PNLIPRP1: variants seen among roughly 807,000 people sequenced by gnomAD.
PNLIPRP1 encodes inactive pancreatic lipase-related protein 1.
In PNLIPRP1, 57 loss-of-function variants were observed where a neutral mutation model predicts 54.6. That is an observed-to-expected ratio of 1.04 (90% confidence interval 0.84 to 1.30). The LOEUF is 1.30. PNLIPRP1 is among the 50% of genes most tolerant of loss of function. PNLIPRP1 has a pLI of 0.00. For missense variants in PNLIPRP1, 567 were observed against 568.5 expected, an observed-to-expected ratio of 1.00 and a Z score of 0.03; for synonymous variants, 232 against 208.8, an observed-to-expected ratio of 1.11 and a Z score of -0.96.
rs116575931 is a variant in PNLIPRP1 at position 116,591,827 on chromosome 10, G to A, written c.106G>A (p.Gly36Arg). The stretch of plus-strand genomic sequence containing the variant: ...CTTTTCTGACACTGAGCCCTGGGGC[G>A]GGACAGCAATCAGGCCCCTGAAAAT... ...GCFSDTEPWG[G>R]TAIRPLKILP... The change falls in exon 3 of 13, where the codon GGG becomes AGG. Residue 36 changes from glycine to arginine, a missense_variant. By Grantham distance (125) the Gly-to-Arg change is moderately radical (BLOSUM62 -2). Coordinates refer to ENST00000358834, the MANE Select transcript of PNLIPRP1 (RefSeq NM_006229.4). 37 of 1,614,212 alleles carry A rather than the reference G, an allele frequency of 2.3e-5. No individual in the cohort carries two copies. Among genetic ancestry groups the A allele is most frequent in the East Asian group, 1.8e-4 (8 of 44,880 alleles).
At chr10:116,602,867 CTATG>C (rs1203276758) in intron 10 of PNLIPRP1, among the ~76,000 whole-genome samples, 1 of 152,030 alleles carries the variant, frequency 6.6e-6, no homozygotes, top group Non-Finnish European at 1.5e-5. Context: ...ATGTGGGTGT[CTATG>C]TATGTGCGTG....
intron 10 of PNLIPRP1, 141 bp from the exon 11 acceptor site, chr10:116,603,889 T>G (rs1461584232): frequency 4.0e-6 from 2 of 494,002 alleles, no homozygotes; most frequent in Non-Finnish European, 7.2e-6. Context: ...TGAGACCCCA[T>G]CTCAAAAAAT....
chr10:116,598,813 T>C (rs1847780381), intron 8 of PNLIPRP1, among the ~76,000 whole-genome samples: 1 of 152,176 alleles, frequency 6.6e-6, no homozygotes, highest in East Asian at 1.9e-4. Flanking sequence ...AAAAGGACAA[T>C]GGACAGGTGA....
At chr10:116,592,053 C>G (rs1847649185) in intron 3 of PNLIPRP1, 128 bp downstream of exon 3, 1 of 970,206 alleles carries the variant, frequency 1.0e-6, no homozygotes, top group Non-Finnish European at 1.6e-6. Flanking sequence ...AAGCTGCCCC[C>G]CAGACCTAGC....
At chr10:116,594,617 T>A (rs1847700846) in intron 4 of PNLIPRP1, 113 bp from the exon 5 acceptor site, 4 of 1,169,774 alleles carry the variant, frequency 3.4e-6, no homozygotes, top group Admixed American at 1.8e-5. Context: ...AGAGTCTAGT[T>A]TATCTCATGC....
chr10:116,591,492 A>G (rs781958725), intron 2 of PNLIPRP1, among the ~76,000 whole-genome samples: 1 of 152,246 alleles, frequency 6.6e-6, no homozygotes, highest in Non-Finnish European at 1.5e-5. Context: ...TAAATGTATC[A>G]GAAGAGCTAG....
chr10:116,601,215 T>C lies in PNLIPRP1; in HGVS notation c.1063+14T>C, dbSNP rs1160566632. ...GCAATTTCGCTCGTAAGTTGCACTT[T>C]GACTACCTGCCCATGTAAAGAAAGT... On this transcript the variant is annotated intron_variant, in intron 10 of 12. Transcript: ENST00000358834. 5 of 1,609,372 alleles carry C rather than the reference T, an allele frequency of 3.1e-6. No homozygotes were observed. Among genetic ancestry groups the C allele is most frequent in the African/African-American group, 1.3e-5 (1 of 74,844 alleles).
At chr10:116,594,623 C>A in intron 4 of PNLIPRP1, 107 bp from the exon 5 acceptor site, 1 of 1,224,524 alleles carries the variant, frequency 8.2e-7, no homozygotes, top group Non-Finnish European at 1.2e-6. Context: ...TAGTTTATCT[C>A]ATGCCCTAGC....
rs782282395 is a variant in PNLIPRP1, at chr10:116,601,195, T to TTCGC, written c.1061_1063+1dup. On this transcript the variant is annotated frameshift_variant, in exon 10 of 13. Transcript: ENST00000358834. LOFTEE classifies it high-confidence loss of function. The stretch of plus-strand genomic sequence containing the variant: ...CTTGAACACAGGAGAGGCTAGCAAT[T>TTCGC]TCGCTCGTAAGTTGCACTTTGACTA... 9 of 1,612,328 alleles carry TTCGC rather than the reference T, an allele frequency of 5.6e-6. No homozygotes were observed.
At chr10:116,607,020 T>TTAAACATTTAATAATAA (rs1554865646) in intron 12 of PNLIPRP1, among the ~76,000 whole-genome samples, 3 of 147,078 alleles carry the variant, frequency 2.0e-5, no homozygotes, top group African/African-American at 7.4e-5. Context: ...CCAGTAACAT[T>TTAAACATTTAATAATAA]TAATAATAAT....
chr10:116,601,163 A>C lies in PNLIPRP1; in HGVS notation c.1025A>C (p.Lys342Thr). ...GGCAGGACAAGTGAAGAGCAGCAGA[A>C]ATTCTTCTTGAACACAGGAGAGGCT... The part of the protein sequence containing the change: ...FAGRTSEEQQ[K>T]FFLNTGEASN... The change falls in exon 10 of 13, where the codon AAA (lysine) becomes ACA (threonine). Residue 342 changes from lysine to threonine, a missense_variant. Physicochemically the swap from Lys to Thr is moderately conservative, Grantham distance 78 (BLOSUM62 -1). Coordinates refer to ENST00000358834, the MANE Select transcript of PNLIPRP1 (RefSeq NM_006229.4). The C allele has an allele frequency of 6.2e-7, 1 of 1,614,088 alleles. No homozygotes were observed. Among genetic ancestry groups the C allele is most frequent in the Middle Eastern group, 1.6e-4 (1 of 6,062 alleles).
At chr10:116,599,419 G>A (rs1847794483) in intron 8 of PNLIPRP1, among the ~76,000 whole-genome samples, 1 of 152,162 alleles carries the variant, frequency 6.6e-6, no homozygotes, top group African/African-American at 2.4e-5. Flanking sequence ...GGTCTAGAAG[G>A]TATAATGTAA....
Position 116,608,257 on chromosome 10 carries a change from G to A in PNLIPRP1, c.1341-796G>A, listed in dbSNP as rs78649004. ...AATAAGGTTATTAAAAAATATGAGG[G>A]GATTCTGAGAAAAGCTTGGACCAAA... On this transcript the variant is annotated intron_variant, in intron 12 of 12. Coordinates refer to ENST00000358834, the MANE Select transcript of PNLIPRP1 (RefSeq NM_006229.4). 6.1e-3 allele frequency among the ~76,000 whole-genome samples: 924 copies of A among 152,184 alleles called. 2 individuals carry two copies. The highest frequency in any genetic ancestry group is 0.027 in the Middle Eastern group (8 of 294).
chr10:116,603,975 T>C, intron 10 of PNLIPRP1, 55 bp from the exon 11 acceptor site: 2 of 988,304 alleles, frequency 2.0e-6, no homozygotes, highest in East Asian at 2.5e-5. Flanking sequence ...AAGTCTGGGA[T>C]GTAGGCTACT....
intron 5 of PNLIPRP1, chr10:116,595,159 G>C: frequency 2.8e-6 from 1 of 353,192 alleles, no homozygotes; most frequent in Non-Finnish European, 5.3e-6. Context: ...ATGAATAGAA[G>C]ACCTGCCTTT....
intron 3 of PNLIPRP1, 36 bp from the exon 4 acceptor site, chr10:116,592,380 C>A: frequency 6.4e-7 from 1 of 1,557,996 alleles, no homozygotes; most frequent in South Asian, 1.2e-5. Context: ...TGAGGCTGGG[C>A]TGCGAAAACA....
rs193200669 is a variant in PNLIPRP1 at position 116,591,954 on chromosome 10, G to A, written c.204+29G>A. ...AGACCTCTGTCATTTAAATGTCACTGTAACTGGCACGGGGCTATGCCCACC... is the reference window on the plus strand; with the variant it reads ...AGACCTCTGTCATTTAAATGTCACTATAACTGGCACGGGGCTATGCCCACC... On this transcript the variant is annotated intron_variant, in intron 3 of 12. Transcript: ENST00000358834. The A allele has an allele frequency of 1.2e-4, 192 of 1,612,876 alleles. 1 individual carries two copies. Among genetic ancestry groups the A allele is most frequent in the Non-Finnish European group, 1.2e-5 (14 of 1,179,280 alleles).
At chr10:116,606,918 G>A (rs574828551) in intron 12 of PNLIPRP1, among the ~76,000 whole-genome samples, 1 of 152,202 alleles carries the variant, frequency 6.6e-6, no homozygotes, top group South Asian at 2.1e-4. Flanking sequence ...ACAGAGGAAA[G>A]TCAAAACAGC....
intron 4 of PNLIPRP1, 157 bp downstream of exon 4, chr10:116,592,698 C>T (rs1847663060): frequency 5.6e-6 from 5 of 885,550 alleles, no homozygotes. Context: ...TTCCATGTTT[C>T]CGCACTACAT....
Sources: allele counts gnomAD v4.1 joint callset (sites outside exome capture counted in the v4.1 genomes callset), GRCh38; gene constraint gnomAD v4.1.1; transcripts MANE v1.5; gene names NCBI Gene and HGNC (gene_info 2026-07-23, HGNC 2026-07-21).